The following CHRND variants were observed in gnomAD, a reference collection of about 807,000 sequenced individuals.
The protein encoded by CHRND is cholinergic receptor nicotinic delta subunit.
CHRND carries 40 observed loss-of-function variants against 57.8 expected under a neutral mutation model. The ratio of observed to expected loss-of-function variants is 0.69; its 90% CI spans 0.54 to 0.90. CHRND has a LOEUF of 0.90. Ranked by LOEUF, CHRND falls within the 40% of genes least tolerant of loss-of-function variation. CHRND has a pLI of 0.00. For synonymous variants in CHRND, 237 were observed against 270.6 expected (o/e 0.88, Z 1.22); for missense variants, 634 against 673.9 (o/e 0.94, Z 0.66).
chr2:232,530,191 A>G (rs1691635618), intron 7 of CHRND, 52 bp downstream of exon 7: 1 of 1,573,660 alleles, frequency 6.4e-7, no homozygotes, highest in Non-Finnish European at 8.7e-7. Context: ...CCACCTGAGC[A>G]CAGCCAGCCC....
chr2:232,535,278 ACTC>A lies in CHRND; in HGVS notation c.1523_1525del (p.Ser508del). ...CCCCAGCCTTTTCCTGGGGACCCCT[ACTC>A]CTACAACGTGCAGGACAAGCGCTTC... On this transcript the variant is annotated inframe_deletion, in exon 12 of 12. Transcript: ENST00000258385. 1 of 1,613,612 alleles carries A rather than the reference ACTC, an allele frequency of 6.2e-7. No homozygotes were observed. Among genetic ancestry groups the A allele is most frequent in the Non-Finnish European group, 8.5e-7 (1 of 1,179,936 alleles).
chr2:232,534,102 C>CGG lies in CHRND; in HGVS notation c.1220_1221dup (p.His408GlyfsTer29). On this transcript the variant is annotated frameshift_variant, in exon 10 of 12. Coordinates refer to ENST00000258385, the MANE Select transcript of CHRND (RefSeq NM_000751.3). LOFTEE classifies it high-confidence loss of function. The stretch of plus-strand genomic sequence containing the variant: ...CCTCATGTTCGAGAAGCAGTCAGAG[C>CGG]GGCATGGGCTGGCCAGGCGCCTCAC... 6.2e-7 allele frequency: 1 copy of CGG among 1,614,126 alleles called. No individual in the cohort carries two copies.
At position 232,528,871 on chromosome 2, in the gene CHRND, G is replaced by T; in HGVS notation, c.519G>T (p.Lys173Asn). 1 of 1,613,952 alleles carries T rather than the reference G, an allele frequency of 6.2e-7. No individual in the cohort carries two copies. The highest frequency in any genetic ancestry group is 1.3e-5 in the African/African-American group (1 of 74,998). The part of the protein sequence containing the change: ...QNCSLKFSSL[K>N]YTAKEITLSL... ...CCATTGCCCTCCCCAGTTCCCTCAA[G>T]TATACGGCCAAAGAGATCACCCTGA... Residue 173 changes from lysine to asparagine, a missense_variant, in exon 6 of 12, where the codon AAG becomes AAT. Transcript: ENST00000258385.
Position 232,535,148 on chromosome 2 carries a change from C to T in CHRND, c.1390C>T (p.Arg464Ter), listed in dbSNP as rs121909507. 5.0e-6 allele frequency: 8 copies of T among 1,614,042 alleles called. No homozygotes were observed. The highest frequency in any genetic ancestry group is 2.7e-5 in the African/African-American group (2 of 74,942). Residue 464 changes from arginine to a stop codon, truncating the protein, a stop_gained, in exon 12 of 12, where the codon CGA (arginine) becomes TGA (stop). Transcript: ENST00000258385. LOFTEE classifies it high-confidence loss of function. ...NYNEEKDSWN[R>*]VARTVDRLCL... The stretch of plus-strand genomic sequence containing the variant: ...CCCACAGGAGAAAGACAGCTGGAAC[C>T]GAGTGGCCCGCACAGTGGACCGCCT...
In CHRND at chr2:232,534,096, T is replaced by TCAGAG; in HGVS notation, c.1215_1219dup (p.Arg407GlnfsTer31). On this transcript the variant is annotated frameshift_variant, in exon 10 of 12. Coordinates refer to ENST00000258385, the MANE Select transcript of CHRND (RefSeq NM_000751.3). LOFTEE classifies it high-confidence loss of function. The stretch of plus-strand genomic sequence containing the variant: ...CAGTGACCTCATGTTCGAGAAGCAG[T>TCAGAG]CAGAGCGGCATGGGCTGGCCAGGCG... 1 of 1,614,112 alleles carries TCAGAG rather than the reference T, an allele frequency of 6.2e-7. No homozygotes were observed. Among genetic ancestry groups the TCAGAG allele is most frequent in the Non-Finnish European group, 8.5e-7 (1 of 1,180,038 alleles).
chr2:232,530,330 C>A (rs1465614797), intron 7 of CHRND, among the ~76,000 whole-genome samples, 191 bp downstream of exon 7: 2 of 152,176 alleles, frequency 1.3e-5, no homozygotes, highest in East Asian at 3.9e-4. Context: ...GGGCAACATC[C>A]CCAAATGGAC....
In CHRND at chr2:232,534,070, G is replaced by T. The variant is rs770837281; in HGVS notation, c.1187G>T (p.Arg396Leu). The T allele has an allele frequency of 3.1e-6, 5 of 1,613,984 alleles. No homozygotes were observed. In the African/African-American group the frequency reaches 6.7e-5, roughly 22 times the overall value. The part of the protein sequence containing the change: ...KAEEYFLLKS[R>L]SDLMFEKQSE... ...GAGGAGTACTTCCTGCTCAAGTCCC[G>T]CAGTGACCTCATGTTCGAGAAGCAG... Residue 396 changes from arginine (R) to leucine (L), a missense_variant, in exon 10 of 12, where the codon CGC (arginine) becomes CTC (leucine). Arg to Leu is a moderately radical substitution (Grantham distance 102). Transcript: ENST00000258385.
rs191789404 is a variant in CHRND at position 232,532,266 on chromosome 2, G to A, written c.1047+610G>A. 6.3e-3 allele frequency among the ~76,000 whole-genome samples: 954 copies of A among 151,922 alleles called. 8 individuals are homozygous for A. The highest frequency in any genetic ancestry group is 0.022 in the African/African-American group (892 of 41,394). ...GTGGATCACCTGAGGTCAAGAGTTCGAGACCACCCTGGCCAACATGGTGAA... is the reference window on the plus strand; with the variant it reads ...GTGGATCACCTGAGGTCAAGAGTTCAAGACCACCCTGGCCAACATGGTGAA... On this transcript the variant is annotated intron_variant, in intron 9 of 11. Coordinates refer to ENST00000258385, the MANE Select transcript of CHRND (RefSeq NM_000751.3).
In CHRND at chr2:232,535,610, G is replaced by A; in HGVS notation, c.*298G>A. 2 of 587,538 alleles carry A rather than the reference G, an allele frequency of 3.4e-6. No individual in the cohort carries two copies. Among genetic ancestry groups the A allele is most frequent in the Non-Finnish European group, 6.4e-6 (2 of 313,668 alleles). 36.4% of individuals were successfully genotyped at this position (587,538 alleles called of 1,614,324 possible). A position where few individuals can be genotyped will look rare whatever the true frequency, so the allele number is the denominator to read the frequency against. On this transcript the variant is annotated 3_prime_UTR_variant, in exon 12 of 12. Transcript: ENST00000258385. ...CACTCAGGGTGGCCTCAGGGGGAGAGCTCTGATAGGGGTGAGACAGATAGG... is the reference window on the plus strand; with the variant it reads ...CACTCAGGGTGGCCTCAGGGGGAGAACTCTGATAGGGGTGAGACAGATAGG...
At position 232,534,229 on chromosome 2, in the gene CHRND, C is replaced by T; in HGVS notation, c.1258C>T (p.Pro420Ser). Reference sequence around the variant, plus strand: ...CTCTGGCCCCTCGTCTGTAGGCCGGCCCCCAGCAAGCTCTGAGCAGGCCCA... The same window carrying T: ...CTCTGGCCCCTCGTCTGTAGGCCGGTCCCCAGCAAGCTCTGAGCAGGCCCA... Reference protein sequence around the residue: ...LARRLTTARRPPASSEQAQQE... With the variant: ...LARRLTTARRSPASSEQAQQE... The change falls in exon 11 of 12, where the codon CCC becomes TCC. Residue 420 changes from proline to serine, a missense_variant. By Grantham distance (74) the Pro-to-Ser change is moderately conservative. Transcript: ENST00000258385. 1.2e-6 allele frequency: 2 copies of T among 1,614,160 alleles called. No individual in the cohort carries two copies. The highest frequency in any genetic ancestry group is 1.7e-6 in the Non-Finnish European group (2 of 1,180,026).
intron 6 of CHRND, 66 bp from the exon 7 acceptor site, chr2:232,529,873 G>A: frequency 6.4e-7 from 1 of 1,563,274 alleles, no homozygotes; most frequent in Non-Finnish European, 8.7e-7. Flanking sequence ...CCCTCATTCT[G>A]TCCCCAGGCC....
At chr2:232,527,701 G>A (rs926283092) in intron 3 of CHRND, among the ~76,000 whole-genome samples, 3 of 152,180 alleles carry the variant, frequency 2.0e-5, no homozygotes, top group African/African-American at 4.8e-5. Flanking sequence ...CCGAGATTGC[G>A]CCACTGCACT....
chr2:232,534,641 C>T (rs1445477643), intron 11 of CHRND, among the ~76,000 whole-genome samples: 2 of 152,214 alleles, frequency 1.3e-5, no homozygotes, highest in African/African-American at 4.8e-5. Context: ...TCTGTCCCTA[C>T]TCAGTTCCAA....
intron 7 of CHRND, 88 bp downstream of exon 7, chr2:232,530,227 G>T: frequency 2.1e-6 from 3 of 1,399,724 alleles, no homozygotes; most frequent in South Asian, 2.3e-5. Flanking sequence ...ACTTCCTCCT[G>T]GGAGCCACCT....
intron 9 of CHRND, among the ~76,000 whole-genome samples, chr2:232,533,267 G>T (rs144618234): frequency 0.011 from 1,686 of 152,308 alleles, 30 homozygotes; most frequent in African/African-American, 0.038. Flanking sequence ...CGATCCACCT[G>T]CCTCGGCTTC....
Position 232,536,590 on chromosome 2 carries a change from C to T in CHRND, c.*1278C>T, listed in dbSNP as rs983960063. On this transcript the variant is annotated 3_prime_UTR_variant, in exon 12 of 12. Coordinates refer to ENST00000258385, the MANE Select transcript of CHRND (RefSeq NM_000751.3). ...CCCATGAAAGTCCCTAAGCCAGAAC[C>T]ACCAGCTAAGTGACTCCTGGATTCC... is the stretch of plus-strand genomic sequence containing the variant. 5.9e-5 allele frequency: 23 copies of T among 387,066 alleles called. No individual in the cohort carries two copies. The highest frequency in any genetic ancestry group is 1.0e-4 in the Non-Finnish European group (20 of 193,612). The allele number at this position is 387,066 out of a possible 1,614,324, so 24.0% of individuals were successfully genotyped here.
Position 232,536,103 on chromosome 2 carries a change from C to T in CHRND, c.*791C>T, listed in dbSNP as rs1260729065. 2.2e-6 allele frequency: 1 copy of T among 454,112 alleles called. No homozygotes were observed. Among genetic ancestry groups the T allele is most frequent in the South Asian group, 1.6e-5 (1 of 64,476 alleles). 28.1% of individuals were successfully genotyped at this position (454,112 alleles called of 1,614,324 possible). On this transcript the variant is annotated 3_prime_UTR_variant, in exon 12 of 12. Coordinates refer to ENST00000258385, the MANE Select transcript of CHRND (RefSeq NM_000751.3). ...CCCTATTTTTATTTGCTAAATCTAG[C>T]AACCCTATCCCAAAGGCAGCCTCCA...
At chr2:232,526,979 C>T (rs1002677016) in intron 2 of CHRND, among the ~76,000 whole-genome samples, 1 of 152,186 alleles carries the variant, frequency 6.6e-6, no homozygotes, top group Non-Finnish European at 1.5e-5. Context: ...CCAGATGCCA[C>T]GGTTTCCCTG....
intron 5 of CHRND, 48 bp from the exon 6 acceptor site, chr2:232,528,814 G>A (rs774327225): frequency 1.3e-6 from 2 of 1,584,674 alleles, no homozygotes; most frequent in East Asian, 2.2e-5. Flanking sequence ...CCACTCTGTG[G>A]CCCCAGCCAC....
Sources: allele counts gnomAD v4.1 joint callset (sites outside exome capture counted in the v4.1 genomes callset), GRCh38; gene constraint gnomAD v4.1.1; transcripts MANE v1.5; gene names NCBI Gene and HGNC (gene_info 2026-07-23, HGNC 2026-07-21).